MYL9: variants seen among roughly 807,000 people sequenced by gnomAD.
MYL9 encodes myosin regulatory light polypeptide 9.
A neutral mutation model predicts 12.8 loss-of-function variants in MYL9; 7 were observed. The observed-to-expected ratio is 0.55, with a 90% CI of 0.31 to 1.03. The LOEUF (loss-of-function observed/expected upper bound fraction) is 1.03. MYL9 is among the 50% of genes least tolerant of loss of function. The pLI is 0.05. For missense variants in MYL9, 190 were observed against 242.7 expected (o/e 0.78, Z 1.44); for synonymous variants, 81 against 87.8 (o/e 0.92, Z 0.43).
chr20:36,546,480 C>A (rs1330194452), intron 2 of MYL9, among the ~76,000 whole-genome samples: 1 of 152,148 alleles, frequency 6.6e-6, no homozygotes, highest in Non-Finnish European at 1.5e-5. Flanking sequence ...GCAGGAGAAC[C>A]AGGCAAACCT....
chr20:36,548,188 C>A lies in MYL9; in HGVS notation c.341C>A (p.Ala114Asp). The change falls in exon 3 of 4, where the codon GCC (alanine) becomes GAC (aspartate). Residue 114 changes from alanine (A) to aspartate (D), a missense_variant. Ala to Asp is a moderately radical substitution (Grantham distance 126). Coordinates refer to ENST00000279022, the MANE Select transcript of MYL9 (RefSeq NM_006097.5). ...GCCTTTGCCTGCTTCGACGAGGAAG[C>A]CTCAGGTCCGTGGCGCCCCCTACCA... is the stretch of plus-strand genomic sequence containing the variant. ...RNAFACFDEE[A>D]SGFIHEDHLR... 1 of 1,608,938 alleles carries A rather than the reference C, an allele frequency of 6.2e-7. No homozygotes were observed. Among genetic ancestry groups the A allele is most frequent in the Non-Finnish European group, 8.5e-7 (1 of 1,176,748 alleles).
intron 2 of MYL9, among the ~76,000 whole-genome samples, chr20:36,545,734 T>C (rs376517898): frequency 6.6e-6 from 1 of 151,688 alleles, no homozygotes; most frequent in Non-Finnish European, 1.5e-5. Flanking sequence ...ATCGAGATCA[T>C]CCTGGCTAAC....
At chr20:36,548,871 C>T (rs577715125) in intron 3 of MYL9, among the ~76,000 whole-genome samples, 23 of 152,288 alleles carry the variant, frequency 1.5e-4, no homozygotes, top group Non-Finnish European at 2.8e-4. Flanking sequence ...GACCCTGGCA[C>T]CCCTTCACGT....
intron 1 of MYL9, among the ~76,000 whole-genome samples, chr20:36,543,251 C>T (rs1430165874): frequency 2.6e-5 from 4 of 152,230 alleles, no homozygotes; most frequent in Non-Finnish European, 5.9e-5. Context: ...ACCACTGTCT[C>T]ATGACTACAG....
intron 1 of MYL9, among the ~76,000 whole-genome samples, chr20:36,542,710 C>T (rs569181050): frequency 6.6e-6 from 1 of 152,220 alleles, no homozygotes; most frequent in African/African-American, 2.4e-5. Flanking sequence ...GCCCCTCCCC[C>T]TCTCATGGGC....
chr20:36,544,769 G>C (rs2038074818), intron 1 of MYL9, 90 bp from the exon 2 acceptor site: 1 of 1,120,232 alleles, frequency 8.9e-7, no homozygotes, highest in Non-Finnish European at 1.3e-6. Context: ...TTGAATGCCA[G>C]GCCGAAGTGC....
intron 2 of MYL9, 70 bp downstream of exon 2, chr20:36,545,138 C>T: frequency 1.3e-6 from 2 of 1,529,450 alleles, no homozygotes; most frequent in South Asian, 2.4e-5. Flanking sequence ...TTACAGGGCA[C>T]CTCCTGTGTA....
Position 36,550,678 on chromosome 20 carries a change from A to G in MYL9, c.*1429A>G, listed in dbSNP as rs1705047723. 1 of 152,244 alleles carries G rather than the reference A, an allele frequency of 6.6e-6. No individual in the cohort carries two copies. Among genetic ancestry groups the G allele is most frequent in the African/African-American group, 2.4e-5 (1 of 41,434 alleles). The allele number at this position is 152,244 out of a possible 1,614,324, so 9.4% of individuals were successfully genotyped here. On this transcript the variant is annotated 3_prime_UTR_variant, in exon 4 of 4. Transcript: ENST00000279022. Reference sequence around the variant, plus strand: ...ACCCTGTGCCTGACCAGGAGGCCCTAACCTCCTGCAGGCCTCAACGCCAGG... The same window carrying G: ...ACCCTGTGCCTGACCAGGAGGCCCTGACCTCCTGCAGGCCTCAACGCCAGG...
chr20:36,549,519 A>G lies in MYL9; in HGVS notation c.*270A>G, dbSNP rs542630597. On this transcript the variant is annotated 3_prime_UTR_variant, in exon 4 of 4. Transcript: ENST00000279022. ...GGACATGGGCTGGAGGGCAGGACCT[A>G]GAGGCACCAAGGGAAGGCCCCATTC... is the stretch of plus-strand genomic sequence containing the variant. 7 of 371,770 alleles carry G rather than the reference A, an allele frequency of 1.9e-5. No homozygotes were observed. The highest frequency in any genetic ancestry group is 1.4e-4 in the African/African-American group (7 of 48,690). 23.0% of individuals were successfully genotyped at this position (371,770 alleles called of 1,614,324 possible).
chr20:36,544,842 C>T lies in MYL9; in HGVS notation c.-26-17C>T. The stretch of plus-strand genomic sequence containing the variant: ...CCCAGAGTCACAGGGCCACCCAACC[C>T]CCACCCCTTCCTGCAGGGAAGCCCC... On this transcript the variant is annotated splice_polypyrimidine_tract_variant and intron_variant, in intron 1 of 3. Transcript: ENST00000279022. 1 of 1,583,194 alleles carries T rather than the reference C, an allele frequency of 6.3e-7. No individual in the cohort carries two copies. Among genetic ancestry groups the T allele is most frequent in the Non-Finnish European group, 8.6e-7 (1 of 1,160,472 alleles).
At position 36,549,275 on chromosome 20, in the gene MYL9, GC is replaced by G. The variant is rs144071876; in HGVS notation, c.*31del. On this transcript the variant is annotated 3_prime_UTR_variant, in exon 4 of 4. Coordinates refer to ENST00000279022, the MANE Select transcript of MYL9 (RefSeq NM_006097.5). ...GCCACCCCAGCCCCCTGACACCCCA[GC>G]CCCCGCCAGTCACCCCTCCCCGCAC... is the stretch of plus-strand genomic sequence containing the variant. 4.1e-3 allele frequency: 4,620 copies of G among 1,130,632 alleles called. 135 individuals carry two copies. In the African/African-American group the frequency reaches 0.094, roughly 23 times the overall value. The allele number at this position is 1,130,632 out of a possible 1,614,324, so 70.0% of individuals were successfully genotyped here. A position where few individuals can be genotyped will look rare whatever the true frequency, so the allele number is the denominator to read the frequency against.
intron 2 of MYL9, among the ~76,000 whole-genome samples, chr20:36,545,717 T>C (rs1600746638): frequency 6.6e-6 from 1 of 151,814 alleles, no homozygotes; most frequent in East Asian, 2.0e-4. Context: ...GATCACGAGG[T>C]CAGAAGATCG....
chr20:36,541,891 G>C lies in MYL9; in HGVS notation c.-27+330G>C, dbSNP rs370235224. 1.7e-4 allele frequency among the ~76,000 whole-genome samples: 26 copies of C among 152,282 alleles called. No homozygotes were observed. In the East Asian group the frequency reaches 2.3e-3, roughly 14 times the overall value. On this transcript the variant is annotated intron_variant, in intron 1 of 3. Coordinates refer to ENST00000279022, the MANE Select transcript of MYL9 (RefSeq NM_006097.5). ...ATGCCAAGCCCAGAGCTCCGGGGGG[G>C]GCTGGGGAGCCCGGGTACAAGGGTG...
At chr20:36,548,456 C>T (rs1359638200) in intron 3 of MYL9, among the ~76,000 whole-genome samples, 3 of 152,224 alleles carry the variant, frequency 2.0e-5, no homozygotes, top group Non-Finnish European at 4.4e-5. Context: ...GAAATCAAAC[C>T]ATTTCATGCC....
chr20:36,545,855 G>A (rs894275683), intron 2 of MYL9, among the ~76,000 whole-genome samples: 6 of 152,136 alleles, frequency 3.9e-5, no homozygotes, highest in East Asian at 1.9e-4. Context: ...GGGAGGCGGA[G>A]TTTGCAGTGA....
intron 1 of MYL9, among the ~76,000 whole-genome samples, chr20:36,541,885 G>A (rs758886917): frequency 6.6e-6 from 1 of 151,350 alleles, no homozygotes; most frequent in Middle Eastern, 3.2e-3. Context: ...CCAGAGCTCC[G>A]GGGGGGGCTG....
chr20:36,549,499 T>C lies in MYL9; in HGVS notation c.*250T>C. 1 of 443,682 alleles carries C rather than the reference T, an allele frequency of 2.3e-6. No individual in the cohort carries two copies. Among genetic ancestry groups the C allele is most frequent in the Non-Finnish European group, 4.1e-6 (1 of 243,476 alleles). The allele number at this position is 443,682 out of a possible 1,614,324, so 27.5% of individuals were successfully genotyped here. On this transcript the variant is annotated 3_prime_UTR_variant, in exon 4 of 4. Transcript: ENST00000279022. ...AAGGAAAGACCACCTTCTGGGGACA[T>C]GGGCTGGAGGGCAGGACCTAGAGGC...
chr20:36,548,482 G>T (rs755134978), intron 3 of MYL9, among the ~76,000 whole-genome samples: 2 of 152,126 alleles, frequency 1.3e-5, no homozygotes, highest in Non-Finnish European at 2.9e-5. Context: ...TGCCAAGAAG[G>T]TATAGAAACT....
intron 2 of MYL9, among the ~76,000 whole-genome samples, chr20:36,545,476 A>C (rs555764414): frequency 1.4e-5 from 2 of 145,820 alleles, no homozygotes; most frequent in East Asian, 4.1e-4. Context: ...CAGCCTGGGC[A>C]ACAGAGCGAG....
Sources: gnomAD v4.1 joint callset for allele counts (sites outside exome capture counted in the v4.1 genomes callset) on GRCh38, gnomAD v4.1.1 for gene constraint, MANE v1.5 for transcripts, NCBI Gene and HGNC (gene_info 2026-07-23, HGNC 2026-07-21) for gene names.